UBE2K: variants seen among roughly 807,000 people sequenced by gnomAD.
UBE2K encodes the protein ubiquitin-conjugating enzyme E2 K.
Under a neutral mutation model 30.0 loss-of-function variants are expected in UBE2K, and 6 were observed. The ratio of observed to expected loss-of-function variants is 0.20; its 90% CI spans 0.11 to 0.39. The LOEUF (loss-of-function observed/expected upper bound fraction) is 0.39. Ranked by LOEUF, UBE2K falls within the 10% of genes least tolerant of loss-of-function variation. The pLI is 1.00. For missense variants in UBE2K, 61 were observed against 241.6 expected (o/e 0.25, Z 4.96); for synonymous variants, 86 against 83.7 (o/e 1.03, Z -0.15).
At chr4:39,762,281 C>G (rs1712005566) in intron 4 of UBE2K, among the ~76,000 whole-genome samples, 2 of 152,000 alleles carry the variant, frequency 1.3e-5, no homozygotes, top group Admixed American at 6.6e-5. Flanking sequence ...AAGCTGGTCT[C>G]AAGCACCTGG....
intron 5 of UBE2K, among the ~76,000 whole-genome samples, 159 bp downstream of exon 5, chr4:39,775,092 A>T (rs1325119807): frequency 6.6e-6 from 1 of 152,242 alleles, no homozygotes; most frequent in East Asian, 1.9e-4. Flanking sequence ...GTAATAGTGA[A>T]AATAGACTTT....
intron 6 of UBE2K, among the ~76,000 whole-genome samples, chr4:39,778,097 CAAAAAA>C (rs36215155): frequency 1.2e-4 from 6 of 51,748 alleles, no homozygotes; most frequent in South Asian, 1.0e-3. Context: ...GACCCTGTCT[CAAAAAA>C]AAAAAAAAAA....
At chr4:39,764,556 C>T (rs1347271186) in intron 4 of UBE2K, among the ~76,000 whole-genome samples, 1 of 151,834 alleles carries the variant, frequency 6.6e-6, no homozygotes, top group East Asian at 1.9e-4. Flanking sequence ...AAGCATTCTT[C>T]CCACCTCAGC....
intron 4 of UBE2K, among the ~76,000 whole-genome samples, chr4:39,765,086 C>T (rs12648483): frequency 0.52 from 78,195 of 151,800 alleles, 20,769 homozygotes; most frequent in East Asian, 0.64. Flanking sequence ...AGGGTTTCAC[C>T]GTGTTAGCCA....
At chr4:39,773,650 G>C (rs1332778302) in intron 4 of UBE2K, among the ~76,000 whole-genome samples, 3 of 151,880 alleles carry the variant, frequency 2.0e-5, no homozygotes, top group African/African-American at 7.3e-5. Context: ...GGCTGGGCGC[G>C]GTGGCTCACG....
rs529121012 is a variant in UBE2K at position 39,760,791 on chromosome 4, T to A, written c.299+5052T>A. On this transcript the variant is annotated intron_variant, in intron 4 of 6. Coordinates refer to ENST00000261427, the MANE Select transcript of UBE2K (RefSeq NM_005339.5). ...CGTCTCAAAAAATAAAAATTAAAAT[T>A]AAAAAAAATTAAAACAAATAAAAAA... is the stretch of plus-strand genomic sequence containing the variant. 2.0e-5 allele frequency among the ~76,000 whole-genome samples: 3 copies of A among 151,714 alleles called. No homozygotes were observed. In the East Asian group the frequency reaches 5.8e-4, roughly 29 times the overall value.
At chr4:39,741,035 G>A (rs1322527859) in intron 2 of UBE2K, among the ~76,000 whole-genome samples, 2 of 152,030 alleles carry the variant, frequency 1.3e-5, no homozygotes, top group African/African-American at 4.8e-5. Flanking sequence ...CACTTTGGGA[G>A]GCTGAAGCAG....
chr4:39,770,569 A>T, intron 4 of UBE2K: 1 of 1,587,204 alleles, frequency 6.3e-7, no homozygotes, highest in Non-Finnish European at 8.6e-7. Flanking sequence ...ACCAGGCCCG[A>T]GGTGGCCCCC....
chr4:39,746,710 C>G lies in UBE2K; in HGVS notation c.216+900C>G, dbSNP rs149766410. Among the ~76,000 whole-genome samples, 496 of 152,244 alleles carry G rather than the reference C, an allele frequency of 3.3e-3. 3 individuals are homozygous for G. The highest frequency in any genetic ancestry group is 0.032 in the South Asian group (155 of 4,820). ...TGTTTATTTGTAGGTGATGCTTATT[C>G]TTCCACAGCTTTCTATCAGTTTCAC... On this transcript the variant is annotated intron_variant, in intron 3 of 6. Transcript: ENST00000261427.
chr4:39,774,047 T>A (rs1285838022), intron 4 of UBE2K, among the ~76,000 whole-genome samples: 1 of 151,802 alleles, frequency 6.6e-6, no homozygotes, highest in Admixed American at 6.6e-5. Context: ...CCTGTAACCC[T>A]AACCTTTGGG....
At chr4:39,753,269 A>G (rs959635166) in intron 3 of UBE2K, among the ~76,000 whole-genome samples, 1 of 152,172 alleles carries the variant, frequency 6.6e-6, no homozygotes, top group Non-Finnish European at 1.5e-5. Context: ...GTGTGCCTAT[A>G]GTCACAGCTA....
chr4:39,762,908 C>T (rs1326774955), intron 4 of UBE2K, among the ~76,000 whole-genome samples: 1 of 144,042 alleles, frequency 6.9e-6, no homozygotes, highest in African/African-American at 2.6e-5. Context: ...GGATTACAGG[C>T]GTGAGCCACG....
chr4:39,731,494 A>T (rs1295183908), intron 1 of UBE2K, among the ~76,000 whole-genome samples: 1 of 152,048 alleles, frequency 6.6e-6, no homozygotes, highest in African/African-American at 2.4e-5. Flanking sequence ...ACCCTGGCCA[A>T]CATGATGAAA....
rs1485032608 is a variant in UBE2K at position 39,735,676 on chromosome 4, C to T, written c.64-1744C>T. On this transcript the variant is annotated intron_variant, in intron 1 of 6. Transcript: ENST00000261427. ...GATTACAGGCATGAGCCACCGCGCC[C>T]GGCCATCAGAGTAGTTTTACTGTTG... Among the ~76,000 whole-genome samples the T allele has an allele frequency of 3.9e-5, 6 of 152,294 alleles. No individual in the cohort carries two copies. The East Asian group carries it at 5.8e-4, about 15-fold the overall frequency.
At chr4:39,758,546 T>C (rs1215033109) in intron 4 of UBE2K, among the ~76,000 whole-genome samples, 1 of 152,050 alleles carries the variant, frequency 6.6e-6, no homozygotes, top group Admixed American at 6.6e-5. Context: ...GGCATGGTGG[T>C]GCATACCTGT....
chr4:39,731,120 T>G (rs1357814467), intron 1 of UBE2K, among the ~76,000 whole-genome samples: 1 of 152,092 alleles, frequency 6.6e-6, no homozygotes, highest in African/African-American at 2.4e-5. Flanking sequence ...CTCGAACTCC[T>G]GACGTCAGGT....
intron 2 of UBE2K, among the ~76,000 whole-genome samples, chr4:39,740,498 G>A (rs1473750131): frequency 1.3e-4 from 19 of 149,234 alleles, no homozygotes; most frequent in Admixed American, 6.7e-5. Flanking sequence ...AGCCCAGATC[G>A]CGCTGCTGCA....
At chr4:39,733,051 G>GAAAAAAAAAAAAAAAA (rs59978380) in intron 1 of UBE2K, among the ~76,000 whole-genome samples, 1 of 97,062 alleles carries the variant, frequency 1.0e-5, no homozygotes, top group Non-Finnish European at 2.0e-5. Context: ...GGAACATCAG[G>GAAAAAAAAAAAAAAAA]AAAAAAAAAA....
chr4:39,707,841 G>T (rs955226031), intron 1 of UBE2K, among the ~76,000 whole-genome samples: 1 of 151,852 alleles, frequency 6.6e-6, no homozygotes, highest in Non-Finnish European at 1.5e-5. Context: ...AGTTCTAGAG[G>T]AAAGTTAAGA....
Sources: gnomAD v4.1 joint callset for allele counts (sites outside exome capture counted in the v4.1 genomes callset) on GRCh38, gnomAD v4.1.1 for gene constraint, MANE v1.5 for transcripts, NCBI Gene and HGNC (gene_info 2026-07-23, HGNC 2026-07-21) for gene names.